C17orf107: variants seen among roughly 807,000 people sequenced by gnomAD.
The protein encoded by C17orf107 is uncharacterized protein C17orf107.
Under a neutral mutation model 8.9 loss-of-function variants are expected in C17orf107, and 9 were observed. That is an observed-to-expected ratio of 1.02 (90% CI 0.61 to 1.77). The LOEUF (loss-of-function observed/expected upper bound fraction) is 1.77, where lower values mean the gene tolerates loss of function less well. Among genes scored for constraint, C17orf107 ranks in the 40% most tolerant of loss-of-function variants. The probability of loss-of-function intolerance (pLI) is 0.00; values close to 1 mark genes in which losing one functional copy is unlikely to be tolerated. For missense variants in C17orf107, 281 were observed against 249.0 expected (o/e 1.13, Z -0.86); for synonymous variants, 139 against 120.3 (o/e 1.16, Z -1.02).
At chr17:4,903,873 T>G (rs938888591), downstream of C17orf107, among the ~76,000 whole-genome samples, 19 of 152,218 alleles carry the variant, frequency 1.2e-4, no homozygotes, top group African/African-American at 4.6e-4. Flanking sequence ...AAAAAATTTT[T>G]TTGAGACCAA....
Position 4,900,127 on chromosome 17 carries a change from C to T in C17orf107, c.258C>T (p.Phe86=), listed in dbSNP as rs985797311. The T allele has an allele frequency of 9.0e-6, 14 of 1,550,378 alleles. No homozygotes were observed. The African/African-American group carries it at 1.5e-4, about 17-fold the overall frequency. Residue 86 remains phenylalanine (F), a synonymous_variant, in exon 2 of 3, where the codon TTC becomes TTT. Transcript: ENST00000381365. ...LREATASLVS[F]GTTLLEISAL... ...AAGCCACAGCCAGCCTCGTGAGCTT[C>T]GGCACCACCTTGTTAGAGGTGGGGT...
chr17:4,900,154 C>G lies in C17orf107; in HGVS notation c.276+9C>G, dbSNP rs1468644160. 1 of 1,548,666 alleles carries G rather than the reference C, an allele frequency of 6.5e-7. No individual in the cohort carries two copies. Among genetic ancestry groups the G allele is most frequent in the East Asian group, 2.4e-5 (1 of 40,884 alleles). The stretch of plus-strand genomic sequence containing the variant: ...GCACCACCTTGTTAGAGGTGGGGTA[C>G]TGGGGGGCTTAGGATACGCGGCGAT... On this transcript the variant is annotated intron_variant, in intron 2 of 2. Coordinates refer to ENST00000381365, the MANE Select transcript of C17orf107 (RefSeq NM_001145536.2).
rs781536510 is a variant in C17orf107 at position 4,900,888 on chromosome 17, C to G, written c.*355C>G. On this transcript the variant is annotated 3_prime_UTR_variant, in exon 3 of 3. Coordinates refer to ENST00000381365, the MANE Select transcript of C17orf107 (RefSeq NM_001145536.2). ...GGGCGAGCAGGACGTTGATGGAGAC[C>G]GTGCATTTCTGGCCGCCGGCTGGAG... The G allele has an allele frequency of 6.2e-7, 1 of 1,614,158 alleles. No individual in the cohort carries two copies. The highest frequency in any genetic ancestry group is 1.1e-5 in the South Asian group (1 of 91,078).
Position 4,900,377 on chromosome 17 carries a change from G to C in C17orf107, c.417G>C (p.Ala139=). 6.5e-7 allele frequency: 1 copy of C among 1,549,654 alleles called. No homozygotes were observed. The highest frequency in any genetic ancestry group is 2.4e-5 in the East Asian group (1 of 40,908). ...AGQGVRQAGA[A]VGASARLLVQ... Reference sequence around the variant, plus strand: ...AGGGGGTTCGGCAAGCTGGGGCTGCGGTGGGCGCCAGCGCCCGGCTCCTAG... The same window carrying C: ...AGGGGGTTCGGCAAGCTGGGGCTGCCGTGGGCGCCAGCGCCCGGCTCCTAG... The change falls in exon 3 of 3, where the codon GCG becomes GCC. Residue 139 remains alanine, a synonymous_variant. Transcript: ENST00000381365.
In C17orf107 at chr17:4,902,374, G is replaced by C. The variant is rs115309020; in HGVS notation, c.*1841G>C. On this transcript the variant is annotated 3_prime_UTR_variant, in exon 3 of 3. Transcript: ENST00000381365. The surrounding 1 kb of genome is among the most constrained non-coding windows in gnomAD (Gnocchi z 4.0). ...CCGCGTGCCCTGCATCTCCCACCTGGCGCTGCCTGGGAGGGGTTTGGGGGA... is the reference window on the plus strand; with the variant it reads ...CCGCGTGCCCTGCATCTCCCACCTGCCGCTGCCTGGGAGGGGTTTGGGGGA... 3,786 of 1,613,672 alleles carry C rather than the reference G, an allele frequency of 2.3e-3. 74 individuals carry two copies. The African/African-American group carries it at 0.045, about 19-fold the overall frequency.
chr17:4,901,974 G>T lies in C17orf107; in HGVS notation c.*1441G>T. Reference sequence around the variant, plus strand: ...GTTCTGCCAATCGAAGGGGAAGTAGGTGACCTCCACTGCGCAGACGCTGCG... The same window carrying T: ...GTTCTGCCAATCGAAGGGGAAGTAGTTGACCTCCACTGCGCAGACGCTGCG... On this transcript the variant is annotated 3_prime_UTR_variant, in exon 3 of 3. Coordinates refer to ENST00000381365, the MANE Select transcript of C17orf107 (RefSeq NM_001145536.2). The T allele has an allele frequency of 6.2e-7, 1 of 1,614,094 alleles. No homozygotes were observed. The highest frequency in any genetic ancestry group is 8.5e-7 in the Non-Finnish European group (1 of 1,180,028).
At position 4,900,299 on chromosome 17, in the gene C17orf107, A is replaced by G; in HGVS notation, c.339A>G (p.Pro113=). 4 of 1,545,452 alleles carry G rather than the reference A, an allele frequency of 2.6e-6. No homozygotes were observed. The highest frequency in any genetic ancestry group is 3.5e-6 in the Non-Finnish European group (4 of 1,146,602). The change falls in exon 3 of 3, where the codon CCA becomes CCG. Residue 113 remains proline, a synonymous_variant. Coordinates refer to ENST00000381365, the MANE Select transcript of C17orf107 (RefSeq NM_001145536.2). The stretch of plus-strand genomic sequence containing the variant: ...TAGACGGCAGCGCGGGCCCAGCCCC[A>G]GACGGCAGGGATCCGGGTGCAGCGC... ...RRLDGSAGPA[P]DGRDPGAALS... is the part of the protein sequence containing the mutation.
At position 4,901,141 on chromosome 17, in the gene C17orf107, G is replaced by A. The variant is rs564044217; in HGVS notation, c.*608G>A. On this transcript the variant is annotated 3_prime_UTR_variant, in exon 3 of 3. Coordinates refer to ENST00000381365, the MANE Select transcript of C17orf107 (RefSeq NM_001145536.2). ...CTGGGCCGTCGGTGGCGCCACCGTG[G>A]TGGCGGCGGATCACCCCCGGGCAGA... 1.2e-6 allele frequency: 2 copies of A among 1,611,758 alleles called. No individual in the cohort carries two copies. The highest frequency in any genetic ancestry group is 2.2e-5 in the South Asian group (2 of 91,076).
rs761160030 is a variant in C17orf107, at chr17:4,901,889, C to CCG, written c.*1357_*1358insGC. 2 of 1,601,996 alleles carry CCG rather than the reference C, an allele frequency of 1.2e-6. No individual in the cohort carries two copies. The highest frequency in any genetic ancestry group is 1.7e-6 in the Non-Finnish European group (2 of 1,171,076). On this transcript the variant is annotated 3_prime_UTR_variant, in exon 3 of 3. Coordinates refer to ENST00000381365, the MANE Select transcript of C17orf107 (RefSeq NM_001145536.2). ...GGTTGGCCCCGCCCCATAAGGCCCC[C>CCG]CCCCAACAATAATCGTCCGGGCCTC...
chr17:4,905,472 G>A (rs1970081251), downstream of C17orf107, among the ~76,000 whole-genome samples: 1 of 152,170 alleles, frequency 6.6e-6, no homozygotes, highest in Non-Finnish European at 1.5e-5. Context: ...GGCTGAGGCG[G>A]GAGGATTGCT....
downstream of C17orf107, among the ~76,000 whole-genome samples, chr17:4,906,521 G>A (rs1419108741): frequency 6.6e-6 from 1 of 152,068 alleles, no homozygotes; most frequent in Non-Finnish European, 1.5e-5. Flanking sequence ...CAAAAAGAGG[G>A]CAGAAGATTT....
At position 4,902,099 on chromosome 17, in the gene C17orf107, G is replaced by A. The variant is rs369060595; in HGVS notation, c.*1566G>A. The A allele has an allele frequency of 1.4e-5, 23 of 1,613,802 alleles. No homozygotes were observed. The African/African-American group carries it at 2.9e-4, about 21-fold the overall frequency. On this transcript the variant is annotated 3_prime_UTR_variant, in exon 3 of 3. Coordinates refer to ENST00000381365, the MANE Select transcript of C17orf107 (RefSeq NM_001145536.2). This position sits in a 1 kb window ranked among gnomAD's most constrained non-coding sequence, Gnocchi z 4.0. ...ACTGGCCATCAATACTGTGGGCTCG[G>A]GGAAACCGAGCTTTTTGCACAGGTC...
chr17:4,902,298 C>T lies in C17orf107; in HGVS notation c.*1765C>T, dbSNP rs1178254839. 2.5e-6 allele frequency: 4 copies of T among 1,614,162 alleles called. No individual in the cohort carries two copies. Among genetic ancestry groups the T allele is most frequent in the Non-Finnish European group, 3.4e-6 (4 of 1,180,028 alleles). ...TTCTATACCCCCAAAGTCGTCCTTG[C>T]TGTAGTTGAGTCGGTAATCCTGCCA... On this transcript the variant is annotated 3_prime_UTR_variant, in exon 3 of 3. Transcript: ENST00000381365. The surrounding 1 kb of genome is among the most constrained non-coding windows in gnomAD (Gnocchi z 4.0).
Position 4,901,369 on chromosome 17 carries a change from G to C in C17orf107, c.*836G>C. On this transcript the variant is annotated 3_prime_UTR_variant, in exon 3 of 3. Coordinates refer to ENST00000381365, the MANE Select transcript of C17orf107 (RefSeq NM_001145536.2). ...TATGGAAAGCCAGAAGGCAGGACTA[G>C]AGTAACAATCGAGAATGATTTCAGG... 1 of 936,816 alleles carries C rather than the reference G, an allele frequency of 1.1e-6. No individual in the cohort carries two copies. Among genetic ancestry groups the C allele is most frequent in the East Asian group, 2.6e-5 (1 of 39,032 alleles). The allele number at this position is 936,816 out of a possible 1,614,324, so 58.0% of individuals were successfully genotyped here. A position where few individuals can be genotyped will look rare whatever the true frequency, so the allele number is the denominator to read the frequency against.
Position 4,900,000 on chromosome 17 carries a change from T to G in C17orf107, c.131T>G (p.Leu44Arg). Residue 44 changes from leucine to arginine, a missense_variant, in exon 2 of 3, where the codon CTG becomes CGG. By Grantham distance (102) the Leu-to-Arg change is moderately radical. Transcript: ENST00000381365. ...TCCGTGGCCGCAGCCCATGAATATC[T>G]GGAGCAGAGGTTCAGAGAGCTGAAG... ...ELSVAAAHEY[L>R]EQRFRELKSL... 1 of 1,551,510 alleles carries G rather than the reference T, an allele frequency of 6.4e-7. No individual in the cohort carries two copies. The highest frequency in any genetic ancestry group is 8.7e-7 in the Non-Finnish European group (1 of 1,146,984).
At chr17:4,903,024 G>GCCCCAAGAGGAGCAGGA (rs762983789), downstream of C17orf107, 1 of 1,614,050 alleles carries the variant, frequency 6.2e-7, no homozygotes, top group African/African-American at 1.3e-5. Context: ...GTACCGAGAA[G>GCCCCAAGAGGAGCAGGA]CCCCAAGAGG....
rs367599263 is a variant in C17orf107, at chr17:4,901,891, C to CCCCCCCG, written c.*1360_*1361insCCCCGCC. Reference sequence around the variant, plus strand: ...TTGGCCCCGCCCCATAAGGCCCCCCCCCAACAATAATCGTCCGGGCCTCGG... The same window carrying CCCCCCCG: ...TTGGCCCCGCCCCATAAGGCCCCCCCCCCCCCGCCAACAATAATCGTCCGGGCCTCGG... On this transcript the variant is annotated 3_prime_UTR_variant, in exon 3 of 3. Transcript: ENST00000381365. 6.2e-7 allele frequency: 1 copy of CCCCCCCG among 1,606,300 alleles called. No homozygotes were observed. The highest frequency in any genetic ancestry group is 1.3e-5 in the African/African-American group (1 of 74,192).
At chr17:4,899,914 T>C (rs751664511) in intron 1 of C17orf107, 22 bp from the exon 2 acceptor site, 106 of 1,549,846 alleles carry the variant, frequency 6.8e-5, no homozygotes, top group Non-Finnish European at 8.1e-5. Flanking sequence ...CCTGCTACTC[T>C]ACTGCTCTGC....
Position 4,901,608 on chromosome 17 carries a change from GCAT to G in C17orf107, c.*1076_*1078del. The G allele has an allele frequency of 1.2e-6, 2 of 1,614,096 alleles. No homozygotes were observed. The highest frequency in any genetic ancestry group is 1.7e-6 in the Non-Finnish European group (2 of 1,180,010). Reference sequence around the variant, plus strand: ...GGCAAAAGTGAACTCCACCTCTTCGGCATTGTACGTCTGAGAGCTGCGGAGCCA... The same window carrying G: ...GGCAAAAGTGAACTCCACCTCTTCGGTGTACGTCTGAGAGCTGCGGAGCCA... On this transcript the variant is annotated 3_prime_UTR_variant, in exon 3 of 3. Coordinates refer to ENST00000381365, the MANE Select transcript of C17orf107 (RefSeq NM_001145536.2).
Sources: gnomAD v4.1 joint callset for allele counts (sites outside exome capture counted in the v4.1 genomes callset) on GRCh38, gnomAD v4.1.1 for gene constraint, Gnocchi (gnomAD v3.1) non-coding constraint, MANE v1.5 for transcripts, NCBI Gene and HGNC (gene_info 2026-07-23, HGNC 2026-07-21) for gene names.